The following PTPRN2 variants were observed in gnomAD, a reference collection of about 807,000 sequenced individuals.
The protein encoded by PTPRN2 is receptor-type tyrosine-protein phosphatase N2.
A neutral mutation model predicts 118.8 loss-of-function variants in PTPRN2; 74 were observed. The ratio of observed to expected loss-of-function variants is 0.62; its 90% confidence interval spans 0.52 to 0.76. The LOEUF (loss-of-function observed/expected upper bound fraction) is 0.76, where lower values mean the gene tolerates loss of function less well. Among genes scored for constraint, PTPRN2 ranks in the 30% least tolerant of loss-of-function variants. PTPRN2 has a pLI of 0.00. For synonymous variants in PTPRN2, 641 were observed against 608.0 expected, an observed-to-expected ratio of 1.05 and a Z score of -0.80; for missense variants, 1,481 against 1,394.4, an observed-to-expected ratio of 1.06 and a Z score of -0.99.
At chr7:157,961,588 G>C (rs1051522556) in intron 11 of PTPRN2, among the ~76,000 whole-genome samples, 2 of 152,000 alleles carry the variant, frequency 1.3e-5, no homozygotes. Flanking sequence ...TTAAAAAGAG[G>C]GCAGGAAAGT....
At chr7:158,226,014 A>G (rs1563625120) in intron 3 of PTPRN2, among the ~76,000 whole-genome samples, 1 of 152,218 alleles carries the variant, frequency 6.6e-6, no homozygotes. Context: ...TGCATCGGAC[A>G]GAAATATCAT....
rs78059227 is a variant in PTPRN2 at position 158,506,186 on chromosome 7, G to T, written c.113-16401C>A. Reference sequence around the variant, plus strand: ...CAGAGGCTCCATGGGAGGCTTCGGCGTCGGACAACCCCAGTGGAACAGGCG... The same window carrying T: ...CAGAGGCTCCATGGGAGGCTTCGGCTTCGGACAACCCCAGTGGAACAGGCG... On this transcript the variant is annotated intron_variant, in intron 1 of 22. Transcript: ENST00000389418. Among the ~76,000 whole-genome samples the T allele has an allele frequency of 2.4e-3, 370 of 152,320 alleles. 9 individuals are homozygous for T. In the East Asian group the frequency reaches 0.034, roughly 14 times the overall value.
chr7:157,786,879 T>C (rs1804073485), intron 12 of PTPRN2, among the ~76,000 whole-genome samples: 1 of 152,228 alleles, frequency 6.6e-6, no homozygotes, highest in Non-Finnish European at 1.5e-5. Context: ...CAGTGCCCAC[T>C]GTGGGAAGTG....
intron 1 of PTPRN2, among the ~76,000 whole-genome samples, chr7:158,524,300 A>T (rs1444599873): frequency 5.4e-4 from 14 of 25,820 alleles, no homozygotes; most frequent in African/African-American, 1.7e-3. Context: ...TCTGCCCTGG[A>T]GTGGAGTCGG....
intron 13 of PTPRN2, among the ~76,000 whole-genome samples, chr7:157,666,040 G>A (rs1563322875): frequency 6.6e-6 from 1 of 151,968 alleles, no homozygotes; most frequent in African/African-American, 2.4e-5. Flanking sequence ...TGTAAATGAC[G>A]AGTTGGTGGG....
chr7:158,124,680 G>A (rs1344649471), intron 9 of PTPRN2, among the ~76,000 whole-genome samples: 1 of 152,214 alleles, frequency 6.6e-6, no homozygotes, highest in Non-Finnish European at 1.5e-5. Context: ...GACGGGACAG[G>A]TGCAGAGCTG....
chr7:158,378,279 C>A (rs563582779), intron 2 of PTPRN2, among the ~76,000 whole-genome samples: 6 of 152,200 alleles, frequency 3.9e-5, no homozygotes, highest in Non-Finnish European at 7.4e-5. Context: ...TTGACATTCG[C>A]TCCCCAGGGC....
At chr7:158,296,179 A>T (rs1360565991) in intron 3 of PTPRN2, among the ~76,000 whole-genome samples, 2 of 152,102 alleles carry the variant, frequency 1.3e-5, no homozygotes, top group Non-Finnish European at 2.9e-5. Flanking sequence ...TGCCTATAAA[A>T]ACCCTGAGAC....
At chr7:158,385,534 A>G (rs1465325289) in intron 2 of PTPRN2, among the ~76,000 whole-genome samples, 1 of 152,208 alleles carries the variant, frequency 6.6e-6, no homozygotes, top group African/African-American at 2.4e-5. Context: ...CCAGCATAAA[A>G]TTCCACACCT....
intron 2 of PTPRN2, among the ~76,000 whole-genome samples, chr7:158,341,393 C>G (rs1255761684): frequency 6.7e-6 from 1 of 149,208 alleles, no homozygotes; most frequent in Admixed American, 6.7e-5. Context: ...ACACTCTCAC[C>G]ATAAGAGCTG....
rs1313977691 is a variant in PTPRN2, at chr7:157,550,793, G to A, written c.2903-1774C>T. 6.6e-6 allele frequency among the ~76,000 whole-genome samples: 1 copy of A among 152,210 alleles called. No individual in the cohort carries two copies. The highest frequency in any genetic ancestry group is 1.5e-5 in the Non-Finnish European group (1 of 68,038). On this transcript the variant is annotated intron_variant, in intron 21 of 22. Coordinates refer to ENST00000389418, the MANE Select transcript of PTPRN2 (RefSeq NM_002847.5). This position sits in a 1 kb window ranked among gnomAD's most constrained non-coding sequence, Gnocchi z 5.2. ...AGCTCGGCCACCAGGGAACTAGCTGGCAGCTCACGCGGGTGGAAGGCGGGG... is the reference window on the plus strand; with the variant it reads ...AGCTCGGCCACCAGGGAACTAGCTGACAGCTCACGCGGGTGGAAGGCGGGG...
chr7:158,147,611 TC>T (rs1820269452), intron 6 of PTPRN2, among the ~76,000 whole-genome samples: 1 of 104,442 alleles, frequency 9.6e-6, no homozygotes, highest in African/African-American at 3.8e-5. Flanking sequence ...TGACACCCCA[TC>T]TCACGCCACG....
chr7:158,333,601 C>G (rs10261692), intron 2 of PTPRN2, among the ~76,000 whole-genome samples: 1 of 140,650 alleles, frequency 7.1e-6, no homozygotes, highest in African/African-American at 2.8e-5. Flanking sequence ...CACACACCCA[C>G]ACTCTCACTA....
chr7:158,173,529 A>G (rs1284307113), intron 5 of PTPRN2, among the ~76,000 whole-genome samples: 1 of 152,190 alleles, frequency 6.6e-6, no homozygotes, highest in African/African-American at 2.4e-5. Context: ...AATTAGAATT[A>G]CTGATGAGTG....
intron 1 of PTPRN2, among the ~76,000 whole-genome samples, chr7:158,502,984 TCAG>T (rs1027891464): frequency 4.7e-5 from 7 of 149,488 alleles, no homozygotes; most frequent in Admixed American, 2.0e-4. Flanking sequence ...ACTGTGTCCA[TCAG>T]CCACTGTGTC....
At chr7:157,970,637 C>T (rs1802258571) in intron 11 of PTPRN2, among the ~76,000 whole-genome samples, 1 of 23,404 alleles carries the variant, frequency 4.3e-5, no homozygotes, top group African/African-American at 2.9e-4. Context: ...TCAGAGCGGA[C>T]CCCCCCCCCC....
intron 12 of PTPRN2, among the ~76,000 whole-genome samples, chr7:157,770,916 G>A (rs1424120139): frequency 2.0e-5 from 3 of 152,078 alleles, no homozygotes; most frequent in Non-Finnish European, 2.9e-5. Flanking sequence ...CCCCCGAGGT[G>A]AGACCTCTGT....
rs1335474492 is a variant in PTPRN2 at position 157,779,394 on chromosome 7, C to T, written c.1789-96457G>A. On this transcript the variant is annotated intron_variant, in intron 12 of 22. Coordinates refer to ENST00000389418, the MANE Select transcript of PTPRN2 (RefSeq NM_002847.5). The surrounding 1 kb of genome is among the most constrained non-coding windows in gnomAD (Gnocchi z 4.7). ...TGCTTCTCATCTGACCAAAGAAGAC[C>T]GTGTTTCCTGGGACCCTGCAGGCTG... 2.0e-5 allele frequency among the ~76,000 whole-genome samples: 3 copies of T among 152,136 alleles called. No individual in the cohort carries two copies. Among genetic ancestry groups the T allele is most frequent in the Non-Finnish European group, 4.4e-5 (3 of 68,030 alleles).
intron 2 of PTPRN2, 144 bp downstream of exon 2, chr7:158,489,591 C>CGGG: frequency 2.6e-6 from 2 of 775,198 alleles, no homozygotes; most frequent in Non-Finnish European, 3.8e-6. Context: ...CCCATGGCTC[C>CGGG]GGGGTTCCAT....
Sources: allele counts gnomAD v4.1 joint callset (sites outside exome capture counted in the v4.1 genomes callset), GRCh38; gene constraint gnomAD v4.1.1; non-coding constraint Gnocchi (gnomAD v3.1); transcripts MANE v1.5; gene names NCBI Gene and HGNC (gene_info 2026-07-23, HGNC 2026-07-21).